The following ERCC6 variants were observed in gnomAD, a reference collection of about 807,000 sequenced individuals.
ERCC6 encodes DNA excision repair protein ERCC-6.
ERCC6 carries 116 observed loss-of-function variants against 158.7 expected under a neutral mutation model. The ratio of observed to expected loss-of-function variants is 0.73; its 90% CI spans 0.63 to 0.85. The LOEUF is 0.85. Ranked by LOEUF, ERCC6 falls within the 40% of genes least tolerant of loss-of-function variation. The pLI, the probability that ERCC6 is intolerant of heterozygous loss-of-function variation, is 0.00. For synonymous variants in ERCC6, 678 were observed against 659.3 expected (o/e 1.03, Z -0.43); for missense variants, 1,698 against 1,799.4 (o/e 0.94, Z 1.02).
chr10:49,493,237 A>C lies in ERCC6; in HGVS notation c.1701T>G (p.Gly567=), dbSNP rs747836397. ...RGSNYRFEGL[G]PTVIVCPTTV... is the part of the protein sequence containing the mutation. ...TTGTTGGACAGACAATTACAGTTGG[A>C]CCCAACCCCTCAAACCTGCATCCAA... The change falls in exon 8 of 21, where the codon GGT becomes GGG. Residue 567 remains glycine, a synonymous_variant. Coordinates refer to ENST00000355832, the MANE Select transcript of ERCC6 (RefSeq NM_000124.4). 9 of 1,613,650 alleles carry C rather than the reference A, an allele frequency of 5.6e-6. No homozygotes were observed. In the Admixed American group the frequency reaches 1.0e-4, roughly 18 times the overall value.
chr10:49,490,672 A>C (rs1041858818), intron 8 of ERCC6, among the ~76,000 whole-genome samples: 4 of 152,338 alleles, frequency 2.6e-5, no homozygotes, highest in African/African-American at 9.6e-5. Context: ...AATTTATGTC[A>C]TACCAGCTAC....
intron 4 of ERCC6, among the ~76,000 whole-genome samples, chr10:49,526,457 T>C (rs781475971): frequency 2.0e-5 from 3 of 152,156 alleles, no homozygotes; most frequent in Non-Finnish European, 2.9e-5. Context: ...TTCTAGTTCT[T>C]TATACATCCT....
At chr10:49,529,999 G>A (rs1360557565) in intron 3 of ERCC6, among the ~76,000 whole-genome samples, 1 of 152,036 alleles carries the variant, frequency 6.6e-6, no homozygotes, top group Admixed American at 6.5e-5. Flanking sequence ...AACACCCAAG[G>A]TGGGAGGAAG....
downstream of ERCC6, among the ~76,000 whole-genome samples, chr10:49,453,657 T>C (rs912112610): frequency 6.6e-6 from 1 of 152,216 alleles, no homozygotes; most frequent in African/African-American, 2.4e-5. Flanking sequence ...ATTTAATACT[T>C]CTTATTAGGC....
intron 10 of ERCC6, among the ~76,000 whole-genome samples, chr10:49,478,823 C>T (rs1850925498): frequency 6.6e-6 from 1 of 152,118 alleles, no homozygotes; most frequent in Non-Finnish European, 1.5e-5. Flanking sequence ...TGACCACCAG[C>T]CCTAGGGGAA....
At position 49,476,084 on chromosome 10, in the gene ERCC6, C is replaced by T. The variant is rs186541840; in HGVS notation, c.2382+131G>A. The T allele has an allele frequency of 4.7e-4, 336 of 720,276 alleles. 2 individuals are homozygous for T. The highest frequency in any genetic ancestry group is 6.8e-4 in the Non-Finnish European group (275 of 401,938). The allele number at this position is 720,276 out of a possible 1,614,324, so 44.6% of individuals were successfully genotyped here. A position where few individuals can be genotyped will look rare whatever the true frequency, so the allele number is the denominator to read the frequency against. The stretch of plus-strand genomic sequence containing the variant: ...ATAGGCTGACTGCACATCTACCATG[C>T]GGGACTTCATGCAAGTGAAGTGAGA... On this transcript the variant is annotated intron_variant, in intron 12 of 20. Coordinates refer to ENST00000355832, the MANE Select transcript of ERCC6 (RefSeq NM_000124.4).
intron 18 of ERCC6, among the ~76,000 whole-genome samples, chr10:49,464,791 G>A (rs920159897): frequency 1.3e-5 from 2 of 152,222 alleles, no homozygotes; most frequent in Non-Finnish European, 2.9e-5. Context: ...GCCTGAGGGT[G>A]CACAGAAGTC....
chr10:49,530,779 C>T lies in ERCC6; in HGVS notation c.484G>A (p.Ala162Thr), dbSNP rs750464264. Residue 162 changes from alanine to threonine, a missense_variant, in exon 3 of 21, where the codon GCC becomes ACC. Ala to Thr is a moderately conservative substitution (Grantham distance 58, BLOSUM62 0). Coordinates refer to ENST00000355832, the MANE Select transcript of ERCC6 (RefSeq NM_000124.4). Reference sequence around the variant, plus strand: ...TTCCTGTTGATGTCTCTGCTGGTGGCAGCTTGAGGGCTAAGCTGTTCAATA... The same window carrying T: ...TTCCTGTTGATGTCTCTGCTGGTGGTAGCTTGAGGGCTAAGCTGTTCAATA... ...KIIEQLSPQA[A>T]TSRDINRKLD... 1 of 1,613,726 alleles carries T rather than the reference C, an allele frequency of 6.2e-7. No individual in the cohort carries two copies. Among genetic ancestry groups the T allele is most frequent in the South Asian group, 1.1e-5 (1 of 91,078 alleles).
At chr10:49,519,332 T>C (rs1363646026) in intron 5 of ERCC6, among the ~76,000 whole-genome samples, 2 of 152,234 alleles carry the variant, frequency 1.3e-5, no homozygotes, top group Non-Finnish European at 2.9e-5. Flanking sequence ...GCCGTGATTA[T>C]AACCATGTAA....
intron 1 of ERCC6, among the ~76,000 whole-genome samples, chr10:49,536,556 A>G (rs1013530088): frequency 2.0e-5 from 3 of 152,222 alleles, no homozygotes; most frequent in African/African-American, 7.2e-5. Flanking sequence ...CAAGTTGGGC[A>G]GTTCCTGAGT....
Position 49,458,852 on chromosome 10 carries a change from C to T in ERCC6, c.4445G>A (p.Gly1482Asp). Residue 1482 changes from glycine (G) to aspartate (D), a missense_variant, in exon 21 of 21, where the codon GGT becomes GAT. By Grantham distance (94) the Gly-to-Asp change is moderately conservative. Transcript: ENST00000355832. ...TGGCTTGAGTTTCCAAATTCCTTCA[C>T]CACCAGAAGTTCTATGGAAAGTGCA... ...NLCTFHRTSG[G>D]EGIWKLKPEY... 1.2e-6 allele frequency: 2 copies of T among 1,614,186 alleles called. No homozygotes were observed. The highest frequency in any genetic ancestry group is 2.2e-5 in the East Asian group (1 of 44,886).
chr10:49,523,110 C>T (rs1373858699), intron 5 of ERCC6, among the ~76,000 whole-genome samples: 1 of 152,134 alleles, frequency 6.6e-6, no homozygotes, highest in African/African-American at 2.4e-5. Flanking sequence ...GGTCTCTTCA[C>T]CTTGAGAAAT....
chr10:49,475,948 T>C (rs752363644), intron 12 of ERCC6, among the ~76,000 whole-genome samples: 1 of 152,226 alleles, frequency 6.6e-6, no homozygotes, highest in African/African-American at 2.4e-5. Context: ...TAACAGTAAC[T>C]GCACAGCTCG....
At position 49,532,587 on chromosome 10, in the gene ERCC6, G is replaced by A. The variant is rs140186496; in HGVS notation, c.378C>T (p.Leu126=). ...ACCGATACTCCTTCTCCACGTCAACGAGCTGGGAGGCACGGCTGGCCTCAT... is the reference window on the plus strand; with the variant it reads ...ACCGATACTCCTTCTCCACGTCAACAAGCTGGGAGGCACGGCTGGCCTCAT... ...AIHEASRASQ[L]VDVEKEYRSV... Residue 126 remains leucine, a synonymous_variant, in exon 2 of 21, where the codon CTC becomes CTT. Transcript: ENST00000355832. 9.9e-6 allele frequency: 16 copies of A among 1,614,082 alleles called. No homozygotes were observed. The highest frequency in any genetic ancestry group is 8.9e-5 in the East Asian group (4 of 44,890).
intron 5 of ERCC6, among the ~76,000 whole-genome samples, chr10:49,523,487 C>T (rs1398123683): frequency 6.6e-6 from 1 of 152,182 alleles, no homozygotes; most frequent in Non-Finnish European, 1.5e-5. Context: ...ATACAAAGTA[C>T]ACTTTTTGCA....
intron 7 of ERCC6, among the ~76,000 whole-genome samples, chr10:49,497,080 G>A (rs1367696650): frequency 1.3e-5 from 2 of 152,170 alleles, no homozygotes; most frequent in African/African-American, 2.4e-5. Context: ...GAAAGGGCCA[G>A]ACTACAAGAA....
At chr10:49,509,904 A>C (rs996548764) in intron 5 of ERCC6, among the ~76,000 whole-genome samples, 7 of 152,196 alleles carry the variant, frequency 4.6e-5, no homozygotes, top group African/African-American at 1.4e-4. Flanking sequence ...CATAAAACGA[A>C]GTGGTGGGCA....
chr10:49,453,646 C>T (rs1249824750), downstream of ERCC6, among the ~76,000 whole-genome samples: 2 of 152,140 alleles, frequency 1.3e-5, no homozygotes, highest in Non-Finnish European at 2.9e-5. Flanking sequence ...TAAAGAACTT[C>T]ATTTAATACT....
chr10:49,512,513 G>A (rs1348945865), intron 5 of ERCC6, among the ~76,000 whole-genome samples: 2 of 152,024 alleles, frequency 1.3e-5, no homozygotes, highest in East Asian at 1.9e-4. Flanking sequence ...TCATTAAGTG[G>A]GCCTTAAGCT....
Sources: allele counts gnomAD v4.1 joint callset (sites outside exome capture counted in the v4.1 genomes callset), GRCh38; gene constraint gnomAD v4.1.1; transcripts MANE v1.5; gene names NCBI Gene and HGNC (gene_info 2026-07-23, HGNC 2026-07-21).